Variants in SWAP70 observed in about 807,000 individuals in gnomAD.
SWAP70 encodes the protein switching B cell complex subunit SWAP70.
A neutral mutation model predicts 80.2 loss-of-function variants in SWAP70; 34 were observed. The ratio of observed to expected loss-of-function variants is 0.42; its 90% CI spans 0.32 to 0.56. The LOEUF is 0.56. SWAP70 is among the 20% of genes least tolerant of loss of function. The probability of loss-of-function intolerance (pLI) is 0.09; values close to 1 mark genes in which losing one functional copy is unlikely to be tolerated. For synonymous variants in SWAP70, 239 were observed against 238.5 expected, an observed-to-expected ratio of 1.00 and a Z score of -0.02; for missense variants, 578 against 690.7, an observed-to-expected ratio of 0.84 and a Z score of 1.83.
intron 6 of SWAP70, 44 bp downstream of exon 6, chr11:9,729,495 T>C (rs760428367): frequency 1.3e-5 from 19 of 1,412,276 alleles, no homozygotes. Flanking sequence ...ACTTGAAAGC[T>C]CTGACTTTCT....
At chr11:9,709,388 C>T (rs1018804197) in intron 2 of SWAP70, among the ~76,000 whole-genome samples, 7 of 152,206 alleles carry the variant, frequency 4.6e-5, no homozygotes, top group African/African-American at 1.7e-4. Context: ...CTCAGCCTCC[C>T]AAAGCATTGG....
intron 1 of SWAP70, among the ~76,000 whole-genome samples, chr11:9,666,392 T>C (rs4910487): frequency 0.22 from 33,816 of 152,028 alleles, 4,416 homozygotes; most frequent in Non-Finnish European, 0.29. Flanking sequence ...GGCCAATATT[T>C]CATTTTAATA....
chr11:9,694,354 C>A lies in SWAP70; in HGVS notation c.240+68C>A, dbSNP rs1175413302. 6 of 1,492,668 alleles carry A rather than the reference C, an allele frequency of 4.0e-6. No homozygotes were observed. In the African/African-American group the frequency reaches 5.6e-5, roughly 14 times the overall value. The allele number at this position is 1,492,668 out of a possible 1,614,324, so 92.5% of individuals were successfully genotyped here. ...GCATGTTTCAAGTGGGCCCAAAAGC[C>A]CCCTGTTGGTGAGTTCACTAAGGAG... On this transcript the variant is annotated intron_variant, in intron 2 of 11. Transcript: ENST00000318950.
chr11:9,710,402 T>C (rs1381636830), intron 2 of SWAP70, among the ~76,000 whole-genome samples: 1 of 152,044 alleles, frequency 6.6e-6, no homozygotes, highest in Non-Finnish European at 1.5e-5. Flanking sequence ...CCGTGGGAAA[T>C]GGTGTTAGAC....
rs1468165072 is a variant in SWAP70, at chr11:9,710,657, CT to C, written c.241-2797del. Among the ~76,000 whole-genome samples the C allele has an allele frequency of 6.0e-3, 839 of 140,922 alleles. 5 individuals carry two copies. The highest frequency in any genetic ancestry group is 0.017 in the African/African-American group (667 of 38,390). 92.5% of individuals were successfully genotyped at this position (140,922 alleles called of 152,430 possible). A position where few individuals can be genotyped will look rare whatever the true frequency, so the allele number is the denominator to read the frequency against. On this transcript the variant is annotated intron_variant, in intron 2 of 11. Coordinates refer to ENST00000318950, the MANE Select transcript of SWAP70 (RefSeq NM_015055.4). ...TCTTCCATGTTATTCCAGGATATGG[CT>C]TTTTTTTTTTTAATTTTCAAAAAAA...
intron 3 of SWAP70, among the ~76,000 whole-genome samples, chr11:9,722,983 T>C (rs1407549663): frequency 1.3e-5 from 2 of 152,116 alleles, no homozygotes; most frequent in African/African-American, 4.8e-5. Flanking sequence ...GTGGTATTGG[T>C]GGAGTGTAAA....
At chr11:9,686,912 G>A (rs1178525920) in intron 1 of SWAP70, among the ~76,000 whole-genome samples, 1 of 152,192 alleles carries the variant, frequency 6.6e-6, no homozygotes, top group Non-Finnish European at 1.5e-5. Context: ...TAGTACTGAA[G>A]TTGAGAAAAA....
At chr11:9,709,522 A>G (rs148793833) in intron 2 of SWAP70, among the ~76,000 whole-genome samples, 292 of 152,284 alleles carry the variant, frequency 1.9e-3, no homozygotes, top group African/African-American at 6.8e-3. Context: ...TTGAAAATCC[A>G]AGTATAACTT....
At chr11:9,716,650 T>G (rs147119860) in intron 3 of SWAP70, among the ~76,000 whole-genome samples, 1 of 152,286 alleles carries the variant, frequency 6.6e-6, no homozygotes, top group African/African-American at 2.4e-5. Flanking sequence ...TGTGTGTGAA[T>G]GAATGGTAGG....
intron 7 of SWAP70, 53 bp downstream of exon 7, chr11:9,732,763 A>G (rs571034737): frequency 1.8e-5 from 26 of 1,481,902 alleles, no homozygotes; most frequent in Non-Finnish European, 2.2e-5. Flanking sequence ...TGCAGAAGCC[A>G]TCGTGCCTTG....
chr11:9,734,817 G>T (rs1366151499), intron 7 of SWAP70, among the ~76,000 whole-genome samples: 1 of 151,968 alleles, frequency 6.6e-6, no homozygotes, highest in Non-Finnish European at 1.5e-5. Context: ...TAGAGATGAG[G>T]TTTTGCCATG....
chr11:9,736,280 C>T (rs1296804285), intron 7 of SWAP70, among the ~76,000 whole-genome samples: 5 of 151,948 alleles, frequency 3.3e-5, no homozygotes. Flanking sequence ...AGTATGGTTT[C>T]CTTTAGTTAT....
At chr11:9,721,962 A>T (rs1231433328) in intron 3 of SWAP70, among the ~76,000 whole-genome samples, 1 of 152,250 alleles carries the variant, frequency 6.6e-6, no homozygotes, top group African/African-American at 2.4e-5. Context: ...GTTTCTGACA[A>T]ATAGTTGTCA....
At chr11:9,708,174 G>C (rs935388889) in intron 2 of SWAP70, among the ~76,000 whole-genome samples, 2 of 152,200 alleles carry the variant, frequency 1.3e-5, no homozygotes, top group African/African-American at 4.8e-5. Context: ...GGGATTGCTA[G>C]ATCATATGGT....
chr11:9,749,467 T>G (rs1374974163), intron 11 of SWAP70, among the ~76,000 whole-genome samples: 2 of 152,140 alleles, frequency 1.3e-5, no homozygotes, highest in African/African-American at 4.8e-5. Context: ...AGGATGGTCT[T>G]GATCTCCTGA....
At chr11:9,701,506 G>A (rs763479918) in intron 2 of SWAP70, among the ~76,000 whole-genome samples, 6 of 151,596 alleles carry the variant, frequency 4.0e-5, no homozygotes, top group Non-Finnish European at 7.4e-5. Flanking sequence ...TTCTTGGCTG[G>A]GCGTGTTAGG....
intron 9 of SWAP70, among the ~76,000 whole-genome samples, chr11:9,747,136 A>G (rs1462885129): frequency 6.6e-6 from 1 of 152,222 alleles, no homozygotes; most frequent in Non-Finnish European, 1.5e-5. Context: ...GTATTCCCAG[A>G]TAGGTATTCC....
At chr11:9,687,423 T>A (rs1233988275) in intron 1 of SWAP70, among the ~76,000 whole-genome samples, 1 of 152,246 alleles carries the variant, frequency 6.6e-6, no homozygotes, top group Admixed American at 6.5e-5. Context: ...TTGTGAATTT[T>A]CTATTCGTGT....
At chr11:9,739,373 T>C (rs6483650) in intron 8 of SWAP70, among the ~76,000 whole-genome samples, 15,136 of 152,286 alleles carry the variant, frequency 0.099, 1,916 homozygotes, top group East Asian at 0.28. Context: ...GCAAATGTGA[T>C]GTAGAGAAAC....
Sources: allele counts gnomAD v4.1 joint callset (sites outside exome capture counted in the v4.1 genomes callset), GRCh38; gene constraint gnomAD v4.1.1; transcripts MANE v1.5; gene names NCBI Gene and HGNC (gene_info 2026-07-23, HGNC 2026-07-21).